The following LIPI variants were observed in gnomAD, a reference collection of about 807,000 sequenced individuals.
LIPI encodes lipase I.
A neutral mutation model predicts 50.6 loss-of-function variants in LIPI; 59 were observed. That is an observed-to-expected ratio of 1.16 (90% CI 0.94 to 1.45). LIPI has a LOEUF of 1.45. Ranked by LOEUF, LIPI falls within the 40% of genes most tolerant of loss-of-function variation. The pLI is 0.00. For synonymous variants in LIPI, 203 were observed against 178.2 expected (o/e 1.14, Z -1.11); for missense variants, 586 against 536.3 (o/e 1.09, Z -0.92).
chr21:14,134,936 A>G (rs987598694), intron 9 of LIPI, among the ~76,000 whole-genome samples: 1 of 152,166 alleles, frequency 6.6e-6, no homozygotes, highest in Admixed American at 6.5e-5. Context: ...AAATAGACAA[A>G]TGGGACTTAA....
chr21:14,113,501 A>G (rs907347196), intron 9 of LIPI, among the ~76,000 whole-genome samples: 2 of 152,248 alleles, frequency 1.3e-5, no homozygotes, highest in African/African-American at 4.8e-5. Flanking sequence ...TAAAATGCAA[A>G]GAGAAAATAG....
At chr21:14,160,620 A>T (rs1217339085) in intron 7 of LIPI, among the ~76,000 whole-genome samples, 2 of 151,444 alleles carry the variant, frequency 1.3e-5, no homozygotes, top group African/African-American at 4.8e-5. Context: ...CTAAAGCGTG[A>T]TACATACCTA....
At chr21:14,111,742 A>C (rs1203751187) in intron 9 of LIPI, among the ~76,000 whole-genome samples, 1 of 152,104 alleles carries the variant, frequency 6.6e-6, no homozygotes, top group Non-Finnish European at 1.5e-5. Context: ...TTTAGTCTTT[A>C]GTCCATTTGG....
intron 9 of LIPI, among the ~76,000 whole-genome samples, chr21:14,140,936 T>C (rs1568845448): frequency 1.3e-5 from 2 of 152,172 alleles, no homozygotes; most frequent in Admixed American, 6.5e-5. Flanking sequence ...ACTGGAGTCA[T>C]GTTAATCTTG....
At chr21:14,170,924 T>G (rs1372368096) in intron 4 of LIPI, among the ~76,000 whole-genome samples, 1 of 151,670 alleles carries the variant, frequency 6.6e-6, no homozygotes, top group Non-Finnish European at 1.5e-5. Flanking sequence ...AAAGTCAAAT[T>G]GTACCTGTTT....
intron 3 of LIPI, among the ~76,000 whole-genome samples, chr21:14,183,100 C>T (rs1291917514): frequency 3.3e-5 from 5 of 152,198 alleles, no homozygotes; most frequent in Non-Finnish European, 7.3e-5. Flanking sequence ...GTAACCAAAA[C>T]AGCATGGTAC....
chr21:14,109,150 C>A, intron 9 of LIPI, 70 bp from the exon 10 acceptor site: 1 of 1,231,200 alleles, frequency 8.1e-7, no homozygotes. Flanking sequence ...ATTTCCTTCT[C>A]TCATTAATAT....
intron 3 of LIPI, among the ~76,000 whole-genome samples, chr21:14,183,500 C>T (rs1054894216): frequency 2.0e-5 from 3 of 152,160 alleles, no homozygotes; most frequent in Non-Finnish European, 4.4e-5. Flanking sequence ...TAAAGAGCTT[C>T]TGCACAGCAA....
chr21:14,136,013 G>A (rs962698020), intron 9 of LIPI, among the ~76,000 whole-genome samples: 1 of 152,114 alleles, frequency 6.6e-6, no homozygotes, highest in African/African-American at 2.4e-5. Context: ...CTAAGGCCCC[G>A]TCTCCCCTGT....
chr21:14,187,564 T>A (rs966179363), intron 2 of LIPI, among the ~76,000 whole-genome samples: 1 of 152,144 alleles, frequency 6.6e-6, no homozygotes, highest in South Asian at 2.1e-4. Context: ...ATATTTCTAT[T>A]TAATATTCAC....
At chr21:14,150,054 G>A (rs1412366357) in intron 8 of LIPI, among the ~76,000 whole-genome samples, 1 of 152,178 alleles carries the variant, frequency 6.6e-6, no homozygotes, top group Non-Finnish European at 1.5e-5. Flanking sequence ...CACTGCCCTA[G>A]CAGAGGTTCT....
chr21:14,193,088 C>T (rs772560899), intron 1 of LIPI, among the ~76,000 whole-genome samples: 5 of 151,838 alleles, frequency 3.3e-5, no homozygotes, highest in Non-Finnish European at 7.4e-5. Context: ...TTTGTGTCAT[C>T]GGTAAAATTA....
intron 4 of LIPI, among the ~76,000 whole-genome samples, chr21:14,174,898 T>C (rs757323083): frequency 1.6e-4 from 25 of 152,200 alleles, no homozygotes; most frequent in Non-Finnish European, 3.1e-4. Flanking sequence ...AACCCTATAG[T>C]TTAGATTTCA....
chr21:14,149,973 T>C (rs1040247845), intron 8 of LIPI, among the ~76,000 whole-genome samples: 1 of 152,206 alleles, frequency 6.6e-6, no homozygotes, highest in Non-Finnish European at 1.5e-5. Flanking sequence ...GTAGCCTTTT[T>C]TTCACAGCTC....
chr21:14,143,794 A>T (rs2017801527), intron 9 of LIPI: 1 of 152,568 alleles, frequency 6.6e-6, no homozygotes, highest in Non-Finnish European at 1.5e-5. Flanking sequence ...TCTACAGCAA[A>T]CATGTACATC....
intron 5 of LIPI, among the ~76,000 whole-genome samples, chr21:14,165,922 C>A (rs557337886): frequency 6.6e-6 from 1 of 152,282 alleles, no homozygotes; most frequent in East Asian, 1.9e-4. Flanking sequence ...TGATGTGAGC[C>A]AAATTCCACA....
chr21:14,140,013 C>A (rs1490239905), intron 9 of LIPI, among the ~76,000 whole-genome samples: 1 of 152,092 alleles, frequency 6.6e-6, no homozygotes, highest in African/African-American at 2.4e-5. Flanking sequence ...AAGACTTTGG[C>A]TTTTATATGA....
intron 4 of LIPI, among the ~76,000 whole-genome samples, chr21:14,170,666 C>A (rs561821524): frequency 1.4e-4 from 22 of 152,184 alleles, no homozygotes; most frequent in Non-Finnish European, 2.6e-4. Context: ...ATTCAACAAC[C>A]CTTCATGCTA....
Position 14,109,074 on chromosome 21 carries a change from T to C in LIPI, c.1302A>G (p.Pro434=), listed in dbSNP as rs747336771. ...TAAGTACAATATTATACCTGCAAAGTGGTGGTCTGAGAAAGAGAAAAATGG... is the reference window on the plus strand; with the variant it reads ...TAAGTACAATATTATACCTGCAAAGCGGTGGTCTGAGAAAGAGAAAAATGG... ...LKSLTYPERP[P]LCRYNIVLKD... is the part of the protein sequence containing the mutation. The change falls in exon 10 of 10, where the codon CCA becomes CCG. Residue 434 remains proline (P), a synonymous_variant. Coordinates refer to ENST00000681601, the MANE Select transcript of LIPI (RefSeq NM_001302998.2). 1 of 1,595,310 alleles carries C rather than the reference T, an allele frequency of 6.3e-7. No individual in the cohort carries two copies. Among genetic ancestry groups the C allele is most frequent in the African/African-American group, 1.3e-5 (1 of 74,446 alleles).
Sources: allele counts gnomAD v4.1 joint callset (sites outside exome capture counted in the v4.1 genomes callset), GRCh38; gene constraint gnomAD v4.1.1; transcripts MANE v1.5; gene names NCBI Gene and HGNC (gene_info 2026-07-23, HGNC 2026-07-21).